The following CAST variants were observed in gnomAD, a reference collection of about 807,000 sequenced individuals.
The protein encoded by CAST is calpastatin, also known as MIR583 host.
In CAST, 76 loss-of-function variants were observed where a neutral mutation model predicts 119.6. The ratio of observed to expected loss-of-function variants is 0.64; its 90% CI spans 0.53 to 0.77. The LOEUF (loss-of-function observed/expected upper bound fraction) is 0.77, where lower values mean the gene tolerates loss of function less well. Ranked by LOEUF, CAST falls within the 30% of genes least tolerant of loss-of-function variation. The pLI, the probability that CAST is intolerant of heterozygous loss-of-function variation, is 0.00. For synonymous variants in CAST, 319 were observed against 331.6 expected (o/e 0.96, Z 0.41); for missense variants, 953 against 946.5 (o/e 1.01, Z -0.09).
intron 1 of CAST, among the ~76,000 whole-genome samples, chr5:96,534,140 C>A (rs1348352142): frequency 6.6e-6 from 1 of 152,116 alleles, no homozygotes; most frequent in African/African-American, 2.4e-5. Context: ...GTAATAGTAA[C>A]AAATGTTATC....
the CAST span, among the ~76,000 whole-genome samples, chr5:96,487,209 G>A: frequency 1.3e-5 from 2 of 152,054 alleles, no homozygotes; most frequent in Non-Finnish European, 2.9e-5. Context: ...CCACCAGAAT[G>A]TCCATACCAT....
the CAST span, among the ~76,000 whole-genome samples, chr5:96,075,552 C>T: frequency 6.6e-6 from 1 of 152,144 alleles, no homozygotes; most frequent in East Asian, 1.9e-4. Flanking sequence ...TCTACTTCCA[C>T]AAACTGCCAA....
At chr5:96,299,247 CAA>C in the CAST span, among the ~76,000 whole-genome samples, 1 of 95,830 alleles carries the variant, frequency 1.0e-5, no homozygotes, top group African/African-American at 4.1e-5. Context: ...AACTCAGTCT[CAA>C]AACAACAACA....
chr5:96,159,674 C>T, the CAST span, among the ~76,000 whole-genome samples: 4 of 152,220 alleles, frequency 2.6e-5, no homozygotes, highest in African/African-American at 9.6e-5. Context: ...TTTTTAGACT[C>T]AGCATAACCT....
intron 1 of CAST, among the ~76,000 whole-genome samples, chr5:96,632,005 C>G (rs920050089): frequency 2.0e-5 from 3 of 146,892 alleles, no homozygotes. Context: ...CTCGCCAACA[C>G]TTGTTATTGT....
rs1190831892 is a variant in CAST at position 96,762,369 on chromosome 5, C to T, written c.1929C>T (p.Thr643=). The T allele has an allele frequency of 6.3e-7, 1 of 1,588,560 alleles. No homozygotes were observed. The highest frequency in any genetic ancestry group is 8.5e-7 in the Non-Finnish European group (1 of 1,170,536). Residue 643 remains threonine, a synonymous_variant, in exon 25 of 32, where the codon ACC becomes ACT. Transcript: ENST00000675179. The part of the protein sequence containing the change: ...TTQAGAPPRD[T]SQSDKDLDDA... ...AAGCTGGAGCCCCACCCCGTGATAC[C>T]TCGGTAAGCAGCACATCTTATTTGG...
the CAST span, among the ~76,000 whole-genome samples, chr5:96,426,682 AC>A: frequency 2.0e-5 from 3 of 152,136 alleles, no homozygotes; most frequent in African/African-American, 7.2e-5. Flanking sequence ...ATAATTCTAT[AC>A]TCTTATTTTT....
At chr5:96,472,307 A>G in the CAST span, among the ~76,000 whole-genome samples, 1 of 152,170 alleles carries the variant, frequency 6.6e-6, no homozygotes, top group Non-Finnish European at 1.5e-5. Flanking sequence ...AGATGCCTCA[A>G]TTCCTCCCTC....
chr5:96,439,423 C>T, the CAST span, among the ~76,000 whole-genome samples: 1 of 152,108 alleles, frequency 6.6e-6, no homozygotes, highest in Non-Finnish European at 1.5e-5. Flanking sequence ...CAAGAACTAA[C>T]CCTTTCTATG....
chr5:96,215,823 G>A, the CAST span, among the ~76,000 whole-genome samples: 30 of 151,540 alleles, frequency 2.0e-4, no homozygotes, highest in East Asian at 2.7e-3. Context: ...TTATGTATTC[G>A]TTGAGACAGA....
intron 11 of CAST, among the ~76,000 whole-genome samples, chr5:96,738,185 G>A (rs1237529423): frequency 2.6e-5 from 4 of 152,112 alleles, no homozygotes; most frequent in African/African-American, 7.2e-5. Context: ...AGCTGGGCAT[G>A]GTGGTACACG....
chr5:96,049,148 G>A, the CAST span, among the ~76,000 whole-genome samples: 24 of 152,146 alleles, frequency 1.6e-4, no homozygotes, highest in African/African-American at 5.3e-4. Flanking sequence ...TTAGAAAGAC[G>A]ACTTTATAAT....
At chr5:96,128,897 A>G in the CAST span, among the ~76,000 whole-genome samples, 988 of 152,222 alleles carry the variant, frequency 6.5e-3, 12 homozygotes, top group African/African-American at 0.023. Context: ...TATTTCATTT[A>G]ATATGAGACT....
intron 1 of CAST, among the ~76,000 whole-genome samples, chr5:96,563,467 A>G (rs986060316): frequency 6.6e-6 from 1 of 152,286 alleles, no homozygotes; most frequent in East Asian, 1.9e-4. Flanking sequence ...AAGTGCTTAT[A>G]TATATCTATA....
At chr5:96,344,014 A>G in the CAST span, among the ~76,000 whole-genome samples, 1 of 152,198 alleles carries the variant, frequency 6.6e-6, no homozygotes, top group Admixed American at 6.5e-5. Flanking sequence ...TAATGACTGA[A>G]GGAATTGGAT....
At chr5:96,352,048 C>T in the CAST span, among the ~76,000 whole-genome samples, 2 of 152,090 alleles carry the variant, frequency 1.3e-5, no homozygotes, top group Non-Finnish European at 2.9e-5. Flanking sequence ...AGGACCATCC[C>T]AACACTTAGA....
chr5:96,392,206 A>T, the CAST span: 1 of 151,610 alleles, frequency 6.6e-6, no homozygotes, highest in Non-Finnish European at 1.5e-5. Flanking sequence ...GGTATATATC[A>T]TTTCTCCCAA....
At chr5:96,303,854 G>C in the CAST span, among the ~76,000 whole-genome samples, 1 of 152,116 alleles carries the variant, frequency 6.6e-6, no homozygotes, top group African/African-American at 2.4e-5. Flanking sequence ...TATCATTAAT[G>C]GGCATTTGGG....
At chr5:96,003,715 A>G in the CAST span, among the ~76,000 whole-genome samples, 10 of 152,268 alleles carry the variant, frequency 6.6e-5, no homozygotes, top group South Asian at 1.7e-3. Flanking sequence ...TTTAGAATTA[A>G]AATAGTTTTT....
Sources: allele counts gnomAD v4.1 joint callset (sites outside exome capture counted in the v4.1 genomes callset), GRCh38; gene constraint gnomAD v4.1.1; transcripts MANE v1.5; gene names NCBI Gene and HGNC (gene_info 2026-07-23, HGNC 2026-07-21).